The following UGT2A2 variants were observed in gnomAD, a reference collection of about 807,000 sequenced individuals.
UGT2A2 encodes the protein UDP-glucuronosyltransferase 2A2.
UGT2A2 carries 60 observed loss-of-function variants against 50.7 expected under a neutral mutation model. That is an observed-to-expected ratio of 1.18 (90% confidence interval 0.96 to 1.47). The LOEUF is 1.47. Among genes scored for constraint, UGT2A2 ranks in the 40% most tolerant of loss-of-function variants. The probability of loss-of-function intolerance (pLI) is 0.00; values close to 1 mark genes in which losing one functional copy is unlikely to be tolerated. For missense variants in UGT2A2, 762 were observed against 634.0 expected (o/e 1.20, Z -2.17); for synonymous variants, 242 against 214.6 (o/e 1.13, Z -1.11).
At chr4:69,598,616 C>T (rs536469859) in intron 2 of UGT2A2, among the ~76,000 whole-genome samples, 9 of 152,206 alleles carry the variant, frequency 5.9e-5, no homozygotes, top group Non-Finnish European at 1.3e-4. Context: ...ACACTTTGTA[C>T]TACCTAAATG....
intron 1 of UGT2A2, among the ~76,000 whole-genome samples, chr4:69,635,337 G>C (rs1721614760): frequency 6.6e-6 from 1 of 152,140 alleles, no homozygotes; most frequent in Non-Finnish European, 1.5e-5. Flanking sequence ...CGCTGGGATG[G>C]ATAGAGACAG....
chr4:69,589,422 A>G lies in UGT2A2; in HGVS notation c.1561T>C (p.Phe521Leu). The G allele has an allele frequency of 1.2e-6, 2 of 1,613,834 alleles. No individual in the cohort carries two copies. The highest frequency in any genetic ancestry group is 1.7e-6 in the Non-Finnish European group (2 of 1,179,852). Residue 521 changes from phenylalanine (F) to leucine (L), a missense_variant, in exon 6 of 6, where the codon TTT (phenylalanine) becomes CTT (leucine). Phe to Leu is a conservative substitution (Grantham distance 22, BLOSUM62 0). Transcript: ENST00000604629. The part of the protein sequence containing the change: ...AIFLVIQCCL[F>L]SCQKFGKIGK... Reference sequence around the variant, plus strand: ...ATCTTACCAAATTTTTGACAGGAAAACAAACAACATTGTATGACCAAAAAT... The same window carrying G: ...ATCTTACCAAATTTTTGACAGGAAAGCAAACAACATTGTATGACCAAAAAT...
intron 1 of UGT2A2, among the ~76,000 whole-genome samples, chr4:69,608,570 G>C (rs1452330771): frequency 6.7e-6 from 1 of 149,426 alleles, no homozygotes; most frequent in Non-Finnish European, 1.5e-5. Context: ...ATAATAAAAA[G>C]AAAAAGAAAA....
At chr4:69,592,159 G>A (rs1432327) in intron 5 of UGT2A2, among the ~76,000 whole-genome samples, 93,603 of 151,870 alleles carry the variant, frequency 0.62, 29,059 homozygotes, top group East Asian at 0.74. Flanking sequence ...GGTTACTTCC[G>A]TTAAGAAAAA....
In UGT2A2 at chr4:69,601,890, T is replaced by G. The variant is rs1719319373; in HGVS notation, c.743-2496A>C. On this transcript the variant is annotated intron_variant, in intron 1 of 5. Transcript: ENST00000604629. ...TAGTAGTCTGGCCCTCAGAGACTCT[T>G]ACTCTTGGGCAAAGGAGGGCTGTAC... Among the ~76,000 whole-genome samples, 2 of 136,590 alleles carry G rather than the reference T, an allele frequency of 1.5e-5. 1 individual carries two copies. Among genetic ancestry groups the G allele is most frequent in the Admixed American group, 1.4e-4 (2 of 13,838 alleles). 89.6% of individuals were successfully genotyped at this position (136,590 alleles called of 152,430 possible).
chr4:69,594,697 C>T lies in UGT2A2; in HGVS notation c.1112-1G>A. 6.2e-7 allele frequency: 1 copy of T among 1,612,196 alleles called. No individual in the cohort carries two copies. The highest frequency in any genetic ancestry group is 8.5e-7 in the Non-Finnish European group (1 of 1,179,026). On this transcript the variant is annotated splice_acceptor_variant, in intron 4 of 5. Transcript: ENST00000604629. LOFTEE classifies it high-confidence loss of function. ...ATAAAAGCTTTGGTTTTGGGATGTC[C>T]TAATTTGAGGATGGAGTGAGAAGTG...
At chr4:69,616,763 C>A (rs990982853) in intron 1 of UGT2A2, among the ~76,000 whole-genome samples, 2 of 151,154 alleles carry the variant, frequency 1.3e-5, no homozygotes, top group African/African-American at 4.9e-5. Context: ...TTAGTTGGAA[C>A]TGTAGCTTCT....
At chr4:69,635,428 T>G (rs896588532) in intron 1 of UGT2A2, among the ~76,000 whole-genome samples, 1 of 152,180 alleles carries the variant, frequency 6.6e-6, no homozygotes, top group Non-Finnish European at 1.5e-5. Flanking sequence ...TTCACTACAG[T>G]GTTCAAGGGC....
intron 1 of UGT2A2, among the ~76,000 whole-genome samples, chr4:69,621,056 C>T (rs1720725310): frequency 6.6e-6 from 1 of 151,832 alleles, no homozygotes; most frequent in South Asian, 2.1e-4. Flanking sequence ...ACCTAGAAGA[C>T]AACTTAGTCA....
At chr4:69,610,619 G>C (rs955478455) in intron 1 of UGT2A2, among the ~76,000 whole-genome samples, 1 of 152,116 alleles carries the variant, frequency 6.6e-6, no homozygotes, top group African/African-American at 2.4e-5. Flanking sequence ...AAGGCCTTTA[G>C]AGATAATTAA....
chr4:69,596,140 G>C lies in UGT2A2; in HGVS notation c.1023+110C>G, dbSNP rs867213022. 3.1e-6 allele frequency: 4 copies of C among 1,299,074 alleles called. No individual in the cohort carries two copies. In the African/African-American group the frequency reaches 6.0e-5, roughly 20 times the overall value. 80.5% of individuals were successfully genotyped at this position (1,299,074 alleles called of 1,614,324 possible). On this transcript the variant is annotated intron_variant, in intron 3 of 5. Transcript: ENST00000604629. ...AACGTTACTTACAACTGTTACTAGTGATACTCAGTGTATAATGAGTTTTGA... is the reference window on the plus strand; with the variant it reads ...AACGTTACTTACAACTGTTACTAGTCATACTCAGTGTATAATGAGTTTTGA...
chr4:69,617,748 T>A (rs1560481466), intron 1 of UGT2A2, among the ~76,000 whole-genome samples: 1 of 151,838 alleles, frequency 6.6e-6, no homozygotes, highest in Non-Finnish European at 1.5e-5. Context: ...CTAAAAATAT[T>A]GCCATTATAA....
chr4:69,601,116 A>G (rs1471414847), intron 1 of UGT2A2, among the ~76,000 whole-genome samples: 1 of 152,126 alleles, frequency 6.6e-6, no homozygotes, highest in Non-Finnish European at 1.5e-5. Flanking sequence ...CCAAGCATGT[A>G]GGAGCCAGGT....
At chr4:69,638,776 G>C (rs1163603893) in intron 1 of UGT2A2, 123 bp downstream of exon 1, 3 of 1,219,380 alleles carry the variant, frequency 2.5e-6, no homozygotes, top group Middle Eastern at 2.9e-4. Flanking sequence ...TGTTTGTACA[G>C]AGATATAAGA....
chr4:69,639,488 C>T lies in UGT2A2; in HGVS notation c.153G>A (p.Glu51=), dbSNP rs1721931824. 6.2e-7 allele frequency: 1 copy of T among 1,613,244 alleles called. No homozygotes were observed. Residue 51 remains glutamate (E), a synonymous_variant, in exon 1 of 6, where the codon GAG becomes GAA. Transcript: ENST00000604629. ...HWLNIKIILE[E]LIQRNHNVTV... The stretch of plus-strand genomic sequence containing the variant: ...TCACATTGTGATTTCTTTGAATCAA[C>T]TCTTCTAGAATAATCTTAATATTTA...
Position 69,595,174 on chromosome 4 carries a change from T to G in UGT2A2, c.1099A>C (p.Asn367His). The stretch of plus-strand genomic sequence containing the variant: ...CCCACAGTCTTACCAAGAAGATCAT[T>G]CTGGGGTATCCAATCAAAGAGCTGA... ...NTQLFDWIPQNDLLGHPKTKA... is the reference protein window; with the variant it reads ...NTQLFDWIPQHDLLGHPKTKA... The change falls in exon 4 of 6, where the codon AAT becomes CAT. Residue 367 changes from asparagine to histidine, a missense_variant. Coordinates refer to ENST00000604629, the MANE Select transcript of UGT2A2 (RefSeq NM_001105677.2). The G allele has an allele frequency of 1.2e-6, 2 of 1,613,862 alleles. No individual in the cohort carries two copies. Among genetic ancestry groups the G allele is most frequent in the African/African-American group, 1.3e-5 (1 of 75,046 alleles).
intron 1 of UGT2A2, among the ~76,000 whole-genome samples, chr4:69,616,804 C>T (rs1245912544): frequency 6.8e-6 from 1 of 147,780 alleles, no homozygotes; most frequent in Non-Finnish European, 1.5e-5. Flanking sequence ...GCTAATGACA[C>T]TTTCTAAATT....
chr4:69,639,202 T>G lies in UGT2A2; in HGVS notation c.439A>C (p.Arg147=). The G allele has an allele frequency of 6.2e-7, 1 of 1,613,736 alleles. No homozygotes were observed. The highest frequency in any genetic ancestry group is 8.5e-7 in the Non-Finnish European group (1 of 1,179,770). Residue 147 remains arginine (R), a synonymous_variant, in exon 1 of 6, where the codon AGA becomes CGA. Coordinates refer to ENST00000604629, the MANE Select transcript of UGT2A2 (RefSeq NM_001105677.2). ...ACATCAAAACCACCTTTCTGAAGTC[T>G]TGCCATCAACTTTGGGTTCTTTAGT... ...GVLKNPKLMA[R]LQKGGFDVLV... is the part of the protein sequence containing the mutation.
At chr4:69,591,733 A>C (rs1364533436) in intron 5 of UGT2A2, among the ~76,000 whole-genome samples, 2 of 152,108 alleles carry the variant, frequency 1.3e-5, no homozygotes, top group South Asian at 2.1e-4. Context: ...TACAGTTTTC[A>C]AGTCAATAAT....
Sources: gnomAD v4.1 joint callset for allele counts (sites outside exome capture counted in the v4.1 genomes callset) on GRCh38, gnomAD v4.1.1 for gene constraint, MANE v1.5 for transcripts, NCBI Gene and HGNC (gene_info 2026-07-23, HGNC 2026-07-21) for gene names.